Variants in IL2RB observed in about 807,000 individuals in gnomAD.
IL2RB encodes interleukin-2 receptor subunit beta.
A neutral mutation model predicts 44.2 loss-of-function variants in IL2RB; 17 were observed. That is an observed-to-expected ratio of 0.38 (90% CI 0.26 to 0.58). The LOEUF (loss-of-function observed/expected upper bound fraction) is 0.58, where lower values mean the gene tolerates loss of function less well. IL2RB is among the 20% of genes least tolerant of loss of function. The probability of loss-of-function intolerance (pLI) is 0.63; values close to 1 mark genes in which losing one functional copy is unlikely to be tolerated. For missense variants in IL2RB, 624 were observed against 685.5 expected (o/e 0.91, Z 1.00); for synonymous variants, 286 against 297.9 (o/e 0.96, Z 0.41).
At chr22:37,136,541 G>C (rs1394685098) in intron 6 of IL2RB, 148 bp from the exon 7 acceptor site, 4 of 826,512 alleles carry the variant, frequency 4.8e-6, no homozygotes, top group African/African-American at 3.4e-5. Flanking sequence ...AGTTGCTGGG[G>C]CCTCAAACCC....
At position 37,128,578 on chromosome 22, in the gene IL2RB, G is replaced by T. The variant is rs1365248521; in HGVS notation, c.1174C>A (p.Pro392Thr). 2.5e-6 allele frequency: 4 copies of T among 1,613,904 alleles called. No homozygotes were observed. The highest frequency in any genetic ancestry group is 3.4e-6 in the Non-Finnish European group (4 of 1,179,932). Residue 392 changes from proline (P) to threonine (T), a missense_variant, in exon 10 of 10, where the codon CCT becomes ACT. Transcript: ENST00000216223. The surrounding 1 kb of genome is among the most constrained non-coding windows in gnomAD (Gnocchi z 4.5). ...GGTGCCCCGGCCACACCCTCATCAG[G>T]GTCTTCCTCTGAGTAGGGGTCGTAA... is the stretch of plus-strand genomic sequence containing the variant. The part of the protein sequence containing the change: ...FTYDPYSEED[P>T]DEGVAGAPTG...
chr22:37,148,659 G>A lies in IL2RB; in HGVS notation c.-34+1166C>T, dbSNP rs530931131. ...TCTGCCTACACTGCCTGCCCTGAGC[G>A]CTCGGGGGTAGTTCAGCTTTTAGCC... is the stretch of plus-strand genomic sequence containing the variant. On this transcript the variant is annotated intron_variant, in intron 1 of 9. Coordinates refer to ENST00000216223, the MANE Select transcript of IL2RB (RefSeq NM_000878.5). Among the ~76,000 whole-genome samples the A allele has an allele frequency of 2.0e-5, 3 of 152,292 alleles. No homozygotes were observed. The South Asian group carries it at 6.2e-4, about 32-fold the overall frequency.
intron 3 of IL2RB, among the ~76,000 whole-genome samples, 167 bp downstream of exon 3, chr22:37,143,354 C>T (rs190032172): frequency 2.8e-4 from 42 of 152,274 alleles, no homozygotes; most frequent in East Asian, 5.8e-4. Context: ...TTCTCTTAAA[C>T]GATCCCTTGA....
At chr22:37,138,776 C>G (rs1921823305) in intron 5 of IL2RB, among the ~76,000 whole-genome samples, 1 of 152,150 alleles carries the variant, frequency 6.6e-6, no homozygotes, top group Non-Finnish European at 1.5e-5. Flanking sequence ...TGGGAATTTT[C>G]CAGGTGTAAA....
chr22:37,128,455 T>C lies in IL2RB; in HGVS notation c.1297A>G (p.Ser433Gly), dbSNP rs904967697. The C allele has an allele frequency of 6.4e-7, 1 of 1,568,100 alleles. No homozygotes were observed. Among genetic ancestry groups the C allele is most frequent in the African/African-American group, 1.4e-5 (1 of 73,876 alleles). ...SRDDLLLFSPSLLGGPSPPST... is the reference protein window; with the variant it reads ...SRDDLLLFSPGLLGGPSPPST... ...GGGGGGCTGGGGCCACCGAGGAGAC[T>C]GGGGGAGAAGAGCAGCAGGTCATCC... Residue 433 changes from serine to glycine, a missense_variant, in exon 10 of 10, where the codon AGT (serine) becomes GGT (glycine). Around this residue, in one of 3 missense-constraint regions of IL2RB, gnomAD observed 291 missense variants for 275.5 expected, o/e 1.06. Coordinates refer to ENST00000216223, the MANE Select transcript of IL2RB (RefSeq NM_000878.5). This position sits in a 1 kb window ranked among gnomAD's most constrained non-coding sequence, Gnocchi z 4.5.
At chr22:37,157,381 C>T (rs529913738) in intron 1 of IL2RB, among the ~76,000 whole-genome samples, 7 of 152,290 alleles carry the variant, frequency 4.6e-5, no homozygotes, top group Non-Finnish European at 5.9e-5. Context: ...GCCACCTCCA[C>T]GCCAGCCCCC....
intron 8 of IL2RB, among the ~76,000 whole-genome samples, chr22:37,133,603 A>G (rs1052110858): frequency 7.9e-5 from 12 of 152,182 alleles, no homozygotes; most frequent in African/African-American, 2.7e-4. Context: ...AGGGGGCCAC[A>G]ACCCCCGGTC....
intron 1 of IL2RB, among the ~76,000 whole-genome samples, chr22:37,168,381 G>C (rs896451675): frequency 7.2e-5 from 11 of 152,218 alleles, no homozygotes; most frequent in Admixed American, 2.0e-4. Context: ...AACGTGGCTT[G>C]GCTGGAGCCA....
intron 1 of IL2RB, among the ~76,000 whole-genome samples, 196 bp downstream of exon 1, chr22:37,149,629 T>C (rs1922393267): frequency 6.6e-6 from 1 of 152,148 alleles, no homozygotes; most frequent in South Asian, 2.1e-4. Flanking sequence ...TGGGGACCGC[T>C]TTTTCCTCCA....
intron 1 of IL2RB, among the ~76,000 whole-genome samples, chr22:37,165,355 A>G (rs1398964082): frequency 6.6e-6 from 1 of 152,164 alleles, no homozygotes; most frequent in Non-Finnish European, 1.5e-5. Context: ...GTCCTTCCTA[A>G]TGTTTCTCTG....
At chr22:37,146,023 C>T (rs112461470) in intron 1 of IL2RB, among the ~76,000 whole-genome samples, 6 of 152,152 alleles carry the variant, frequency 3.9e-5, no homozygotes, top group East Asian at 3.9e-4. Flanking sequence ...CTCCTGGACC[C>T]GGCAAAAACC....
In IL2RB at chr22:37,128,452, G is replaced by C; in HGVS notation, c.1300C>G (p.Leu434Val). The C allele has an allele frequency of 6.4e-7, 1 of 1,566,264 alleles. No individual in the cohort carries two copies. Among genetic ancestry groups the C allele is most frequent in the East Asian group, 2.3e-5 (1 of 44,356 alleles). The stretch of plus-strand genomic sequence containing the variant: ...CTTGGGGGGCTGGGGCCACCGAGGA[G>C]ACTGGGGGAGAAGAGCAGCAGGTCA... ...RDDLLLFSPSLLGGPSPPSTA... is the reference protein window; with the variant it reads ...RDDLLLFSPSVLGGPSPPSTA... The change falls in exon 10 of 10, where the codon CTC (leucine) becomes GTC (valine). Residue 434 changes from leucine (L) to valine (V), a missense_variant. Leu to Val is a conservative substitution (Grantham distance 32). Transcript: ENST00000216223. The surrounding 1 kb of genome is among the most constrained non-coding windows in gnomAD (Gnocchi z 4.5).
upstream of IL2RB, among the ~76,000 whole-genome samples, chr22:37,154,565 C>CT (rs1036679716): frequency 3.7e-5 from 5 of 133,376 alleles, no homozygotes; most frequent in Admixed American, 1.4e-4. Context: ...CTCTATCTCT[C>CT]TTTTTTTTTC....
chr22:37,158,529 G>A (rs1361719041), intron 1 of IL2RB, among the ~76,000 whole-genome samples: 3 of 152,122 alleles, frequency 2.0e-5, no homozygotes, highest in Non-Finnish European at 4.4e-5. Context: ...CCGCACTCGA[G>A]CCTGGGTGAC....
chr22:37,132,770 A>T (rs1472901158), intron 8 of IL2RB, among the ~76,000 whole-genome samples: 1 of 152,226 alleles, frequency 6.6e-6, no homozygotes, highest in African/African-American at 2.4e-5. Flanking sequence ...GTGCTACACA[A>T]GACGGGGAGG....
At chr22:37,155,368 C>G (rs1349616541) in intron 1 of IL2RB, among the ~76,000 whole-genome samples, 1 of 152,204 alleles carries the variant, frequency 6.6e-6, no homozygotes, top group Non-Finnish European at 1.5e-5. Context: ...ATTTCACCCC[C>G]CAGCCACTCC....
chr22:37,142,519 T>C lies in IL2RB; in HGVS notation c.204-7A>G. On this transcript the variant is annotated splice_region_variant and splice_polypyrimidine_tract_variant and intron_variant, in intron 3 of 9. Transcript: ENST00000216223. The stretch of plus-strand genomic sequence containing the variant: ...ACAGGTTTGGTTCCACCGCCTTTCA[T>C]GGCAAAAGACCCTCTTTAGAAGAAC... 1 of 1,614,006 alleles carries C rather than the reference T, an allele frequency of 6.2e-7. No individual in the cohort carries two copies.
In IL2RB at chr22:37,128,942, T is replaced by C; in HGVS notation, c.904-94A>G. 7.1e-7 allele frequency: 1 copy of C among 1,415,142 alleles called. No homozygotes were observed. The highest frequency in any genetic ancestry group is 9.4e-7 in the Non-Finnish European group (1 of 1,063,600). 87.7% of individuals were successfully genotyped at this position (1,415,142 alleles called of 1,614,324 possible). A position where few individuals can be genotyped will look rare whatever the true frequency, so the allele number is the denominator to read the frequency against. ...CTCAACAGCTCCTAACTCCTCCTCC[T>C]CCTGAAGCAGTTGGCCCAGGGCTGC... On this transcript the variant is annotated intron_variant, in intron 9 of 9. Transcript: ENST00000216223. The surrounding 1 kb of genome is among the most constrained non-coding windows in gnomAD (Gnocchi z 4.5).
chr22:37,126,393 C>T lies in IL2RB; in HGVS notation c.*1703G>A, dbSNP rs1409795838. On this transcript the variant is annotated 3_prime_UTR_variant, in exon 10 of 10. Transcript: ENST00000216223. Reference sequence around the variant, plus strand: ...GCAGTAGGTATTTTTGTATTGGGAACCCAAGGTCCTCTGCTTAGTGGCTCA... The same window carrying T: ...GCAGTAGGTATTTTTGTATTGGGAATCCAAGGTCCTCTGCTTAGTGGCTCA... The T allele has an allele frequency of 6.6e-6, 1 of 152,194 alleles. No individual in the cohort carries two copies. Among genetic ancestry groups the T allele is most frequent in the Non-Finnish European group, 1.5e-5 (1 of 68,028 alleles). 9.4% of individuals were successfully genotyped at this position (152,194 alleles called of 1,614,324 possible). A position where few individuals can be genotyped will look rare whatever the true frequency, so the allele number is the denominator to read the frequency against.
Sources: gnomAD v4.1 joint callset for allele counts (sites outside exome capture counted in the v4.1 genomes callset) on GRCh38, gnomAD v4.1.1 for gene constraint, gnomAD v4.1.1 regional missense constraint, Gnocchi (gnomAD v3.1) non-coding constraint, MANE v1.5 for transcripts, NCBI Gene and HGNC (gene_info 2026-07-23, HGNC 2026-07-21) for gene names.